Variants in KLK13 observed in about 807,000 individuals in gnomAD.
KLK13 encodes the protein kallikrein-13.
KLK13 carries 19 observed loss-of-function variants against 22.4 expected under a neutral mutation model. The ratio of observed to expected loss-of-function variants is 0.85; its 90% CI spans 0.59 to 1.24. KLK13 has a LOEUF of 1.24. KLK13 is among the 50% of genes most tolerant of loss of function. The pLI is 0.00. For missense variants in KLK13, 311 were observed against 347.9 expected, an observed-to-expected ratio of 0.89 and a Z score of 0.84; for synonymous variants, 156 against 141.8, an observed-to-expected ratio of 1.10 and a Z score of -0.71.
At chr19:51,058,387 C>T (rs2091694744) in intron 4 of KLK13, 151 bp downstream of exon 4, 1 of 881,488 alleles carries the variant, frequency 1.1e-6, no homozygotes, top group South Asian at 1.6e-5. Flanking sequence ...CTGGGTACCC[C>T]TTTTTGTCTT....
intron 1 of KLK13, 179 bp downstream of exon 1, chr19:51,064,837 G>T: frequency 1.6e-6 from 1 of 622,632 alleles, no homozygotes; most frequent in South Asian, 2.0e-5. Flanking sequence ...GCCAACCTCA[G>T]CCGGGAAACC....
intron 1 of KLK13, 41 bp downstream of exon 1, chr19:51,064,975 T>C: frequency 2.0e-6 from 3 of 1,534,340 alleles, no homozygotes; most frequent in Non-Finnish European, 2.6e-6. Context: ...CCTACCATTG[T>C]CCCGAATGGC....
At chr19:51,064,008 G>C (rs866448514) in intron 1 of KLK13, 1 of 361,202 alleles carries the variant, frequency 2.8e-6, no homozygotes, top group Middle Eastern at 4.6e-4. Context: ...TTTAATAGCT[G>C]TTTGTTGAAT....
rs151026699 is a variant in KLK13 at position 51,062,930 on chromosome 19, G to C, written c.52+2086C>G. Among the ~76,000 whole-genome samples, 6 of 152,304 alleles carry C rather than the reference G, an allele frequency of 3.9e-5. No homozygotes were observed. In the East Asian group the frequency reaches 1.2e-3, roughly 29 times the overall value. The stretch of plus-strand genomic sequence containing the variant: ...ATTAGCTCAGTGGTTTGCAGTTAGG[G>C]ACAGAAGTTGTCGGTGAGCACAGGA... On this transcript the variant is annotated intron_variant, in intron 1 of 4. Coordinates refer to ENST00000595793, the MANE Select transcript of KLK13 (RefSeq NM_015596.3).
In KLK13 at chr19:51,056,752, G is replaced by C. The variant is rs758364353; in HGVS notation, c.669C>G (p.Val223=). The C allele has an allele frequency of 1.9e-6, 3 of 1,613,886 alleles. No homozygotes were observed. The Admixed American group carries it at 5.0e-5, about 27-fold the overall frequency. Residue 223 remains valine (V), a synonymous_variant, in exon 5 of 5, where the codon GTC becomes GTG. Transcript: ENST00000595793. ...CGATGCCATACAGTGTTCTGTTACAGACCAGGGGGCCCCCAGAGTCACCCT... is the reference window on the plus strand; with the variant it reads ...CGATGCCATACAGTGTTCTGTTACACACCAGGGGGCCCCCAGAGTCACCCT... The part of the protein sequence containing the change: ...SCEGDSGGPL[V]CNRTLYGIVS...
At chr19:51,064,701 G>A in intron 1 of KLK13, 1 of 611,352 alleles carries the variant, frequency 1.6e-6, no homozygotes, top group Non-Finnish European at 3.1e-6. Flanking sequence ...TAGGCTACTG[G>A]CTCAAAGCGG....
intron 1 of KLK13, 97 bp from the exon 2 acceptor site, chr19:51,060,716 G>T: frequency 1.1e-6 from 1 of 904,662 alleles, no homozygotes; most frequent in Non-Finnish European, 1.7e-6. Context: ...TCGGATTATT[G>T]CCCTGGGTGA....
chr19:51,062,914 G>A (rs1206368892), intron 1 of KLK13, among the ~76,000 whole-genome samples: 1 of 152,164 alleles, frequency 6.6e-6, no homozygotes, highest in African/African-American at 2.4e-5. Flanking sequence ...GATTAGCTCA[G>A]TGGTTTGCAG....
At chr19:51,060,179 C>A (rs1405464129) in intron 2 of KLK13, 86 bp from the exon 3 acceptor site, 8 of 1,515,304 alleles carry the variant, frequency 5.3e-6, no homozygotes, top group Non-Finnish European at 7.2e-6. Context: ...CCATCCCCAA[C>A]CTAACTTCTT....
At chr19:51,060,307 C>T (rs2091715539) in intron 2 of KLK13, 126 bp downstream of exon 2, 1 of 1,137,296 alleles carries the variant, frequency 8.8e-7, no homozygotes. Flanking sequence ...AACCCCAAAC[C>T]TCATTCTCAC....
chr19:51,062,046 C>T (rs1474679201), intron 1 of KLK13, among the ~76,000 whole-genome samples: 1 of 152,156 alleles, frequency 6.6e-6, no homozygotes, highest in Admixed American at 6.5e-5. Context: ...ATGGTAGCCA[C>T]TAGCTACATG....
At position 51,056,027 on chromosome 19, in the gene KLK13, C is replaced by A. The variant is rs2091672485; in HGVS notation, c.*560G>T. Among the ~76,000 whole-genome samples the A allele has an allele frequency of 6.6e-6, 1 of 152,058 alleles. No homozygotes were observed. The highest frequency in any genetic ancestry group is 2.1e-4 in the South Asian group (1 of 4,806). Reference sequence around the variant, plus strand: ...TGTGAGAATGAAATATTCTGAGGATCCAATGTTAGCTGTGGTGAGTCACAG... The same window carrying A: ...TGTGAGAATGAAATATTCTGAGGATACAATGTTAGCTGTGGTGAGTCACAG... On this transcript the variant is annotated 3_prime_UTR_variant, in exon 5 of 5. Transcript: ENST00000595793.
upstream of KLK13, among the ~76,000 whole-genome samples, chr19:51,065,613 C>A (rs1050754949): frequency 6.6e-6 from 1 of 152,060 alleles, no homozygotes; most frequent in African/African-American, 2.4e-5. Flanking sequence ...CTCCGCTCCC[C>A]GCCCCCGCCC....
chr19:51,061,527 G>A (rs2091731516), intron 1 of KLK13, among the ~76,000 whole-genome samples: 1 of 152,192 alleles, frequency 6.6e-6, no homozygotes, highest in Non-Finnish European at 1.5e-5. Flanking sequence ...CCAAACCTGG[G>A]AGTCATCTTT....
intron 4 of KLK13, among the ~76,000 whole-genome samples, chr19:51,058,009 T>G (rs1732602109): frequency 6.6e-6 from 1 of 152,188 alleles, no homozygotes; most frequent in South Asian, 2.1e-4. Context: ...TGTGAACTAT[T>G]GGAAAAGAGA....
intron 1 of KLK13, 74 bp downstream of exon 1, chr19:51,064,942 C>A: frequency 7.7e-7 from 1 of 1,298,804 alleles, no homozygotes; most frequent in South Asian, 1.5e-5. Context: ...TCCCACGCCC[C>A]CTCCCCCTCC....
intron 1 of KLK13, among the ~76,000 whole-genome samples, chr19:51,062,622 C>T (rs1320295180): frequency 1.3e-5 from 2 of 152,164 alleles, no homozygotes; most frequent in African/African-American, 4.8e-5. Flanking sequence ...GTCCGTGGGA[C>T]AGGGAGAATC....
In KLK13 at chr19:51,059,934, C is replaced by G. The variant is rs369313164; in HGVS notation, c.399G>C (p.Pro133=). 1 of 1,611,430 alleles carries G rather than the reference C, an allele frequency of 6.2e-7. No individual in the cohort carries two copies. The highest frequency in any genetic ancestry group is 8.5e-7 in the Non-Finnish European group (1 of 1,178,716). ...TTTGGATGTAGCCTGTGAGCTGGACCGGGGACTGCAGCTCCAGAAGCATGA... is the reference window on the plus strand; with the variant it reads ...TTTGGATGTAGCCTGTGAGCTGGACGGGGGACTGCAGCTCCAGAAGCATGA... ...HDIMLLELQS[P]VQLTGYIQTL... Residue 133 remains proline (P), a synonymous_variant, in exon 3 of 5, where the codon CCG becomes CCC. Coordinates refer to ENST00000595793, the MANE Select transcript of KLK13 (RefSeq NM_015596.3).
At chr19:51,060,319 C>A in intron 2 of KLK13, 114 bp downstream of exon 2, 5 of 1,200,306 alleles carry the variant, frequency 4.2e-6, no homozygotes, top group Non-Finnish European at 5.8e-6. Flanking sequence ...CATTCTCACT[C>A]CCATGTCCAT....
Sources: allele counts gnomAD v4.1 joint callset (sites outside exome capture counted in the v4.1 genomes callset), GRCh38; gene constraint gnomAD v4.1.1; transcripts MANE v1.5; gene names NCBI Gene and HGNC (gene_info 2026-07-23, HGNC 2026-07-21).